The following SFXN5 variants were observed in gnomAD, a reference collection of about 807,000 sequenced individuals.
SFXN5 encodes the protein sideroflexin 5.
In SFXN5, 43 loss-of-function variants were observed where a neutral mutation model predicts 50.2. The observed-to-expected ratio is 0.86, with a 90% CI of 0.67 to 1.11. The LOEUF is 1.11. SFXN5 is among the 50% of genes least tolerant of loss of function. SFXN5 has a pLI of 0.00. For synonymous variants in SFXN5, 203 were observed against 185.8 expected (o/e 1.09, Z -0.75); for missense variants, 463 against 454.1 (o/e 1.02, Z -0.18).
In SFXN5 at chr2:73,017,559, T is replaced by C. The variant is rs150686661; in HGVS notation, c.357+2680A>G. Among the ~76,000 whole-genome samples, 587 of 152,360 alleles carry C rather than the reference T, an allele frequency of 3.9e-3. 1 individual carries two copies. Among genetic ancestry groups the C allele is most frequent in the Admixed American group, 8.0e-3 (122 of 15,306 alleles). ...CAAAGAAATCTTGGGCTTTAGTTAC[T>C]ACGTATTTTGAGAGTGGTATTGATG... On this transcript the variant is annotated intron_variant, in intron 6 of 13. Coordinates refer to ENST00000272433, the MANE Select transcript of SFXN5 (RefSeq NM_144579.3).
At position 72,950,944 on chromosome 2, in the gene SFXN5, G is replaced by A. The variant is rs1268315636; in HGVS notation, c.946-5845C>T. On this transcript the variant is annotated intron_variant, in intron 13 of 13. Transcript: ENST00000272433. The surrounding 1 kb of genome is among the most constrained non-coding windows in gnomAD (Gnocchi z 4.2). ...AGAAGGGGTGGCCCAGGCCCAGGCAGCCAGCTCGGGGCGGGCTGGAATCCG... is the reference window on the plus strand; with the variant it reads ...AGAAGGGGTGGCCCAGGCCCAGGCAACCAGCTCGGGGCGGGCTGGAATCCG... Among the ~76,000 whole-genome samples, 1 of 152,202 alleles carries A rather than the reference G, an allele frequency of 6.6e-6. No individual in the cohort carries two copies. Among genetic ancestry groups the A allele is most frequent in the Non-Finnish European group, 1.5e-5 (1 of 68,022 alleles).
chr2:72,980,025 T>G (rs1456792360), intron 10 of SFXN5, among the ~76,000 whole-genome samples: 1 of 152,134 alleles, frequency 6.6e-6, no homozygotes, highest in African/African-American at 2.4e-5. Flanking sequence ...AGCATGAGAC[T>G]TCAGCTGCTA....
intron 1 of SFXN5, among the ~76,000 whole-genome samples, chr2:73,069,998 G>C (rs1422397338): frequency 1.3e-5 from 2 of 152,180 alleles, no homozygotes; most frequent in Non-Finnish European, 1.5e-5. Flanking sequence ...GAAGACCACA[G>C]GGCAGACTGT....
At chr2:72,952,673 CCT>C (rs1672665372) in intron 13 of SFXN5, among the ~76,000 whole-genome samples, 2 of 152,320 alleles carry the variant, frequency 1.3e-5, no homozygotes, top group African/African-American at 4.8e-5. Context: ...CATTCTCTGT[CCT>C]CTGTCTTCTA....
chr2:73,042,099 G>A (rs1391137211), intron 2 of SFXN5, among the ~76,000 whole-genome samples: 2 of 152,090 alleles, frequency 1.3e-5, no homozygotes, highest in African/African-American at 2.4e-5. Context: ...GTAACTGATG[G>A]GGAGAAAGAG....
At chr2:73,003,371 C>T (rs537539820) in intron 6 of SFXN5, among the ~76,000 whole-genome samples, 82 of 152,308 alleles carry the variant, frequency 5.4e-4, no homozygotes, top group Non-Finnish European at 7.8e-4. Context: ...CCAGGAACAT[C>T]GTAAGATACA....
chr2:72,961,039 C>T lies in SFXN5; in HGVS notation c.945+92G>A, dbSNP rs183319916. On this transcript the variant is annotated intron_variant, in intron 13 of 13. Coordinates refer to ENST00000272433, the MANE Select transcript of SFXN5 (RefSeq NM_144579.3). The surrounding 1 kb of genome is among the most constrained non-coding windows in gnomAD (Gnocchi z 4.4). Reference sequence around the variant, plus strand: ...GTTCCAGCCCCAGCGCCTAGCATGGCGCTAAGGAGTCGGCACGGTATGAGT... The same window carrying T: ...GTTCCAGCCCCAGCGCCTAGCATGGTGCTAAGGAGTCGGCACGGTATGAGT... The T allele has an allele frequency of 6.4e-5, 59 of 926,242 alleles. No homozygotes were observed. The East Asian group carries it at 1.4e-3, about 21-fold the overall frequency. 57.4% of individuals were successfully genotyped at this position (926,242 alleles called of 1,614,324 possible). A position where few individuals can be genotyped will look rare whatever the true frequency, so the allele number is the denominator to read the frequency against.
intron 6 of SFXN5, among the ~76,000 whole-genome samples, chr2:73,018,889 G>A (rs1676487275): frequency 6.6e-6 from 1 of 152,110 alleles, no homozygotes; most frequent in Admixed American, 6.5e-5. Context: ...ATCACACATT[G>A]CATTTATTAT....
chr2:73,001,040 C>G (rs1334279546), intron 7 of SFXN5, among the ~76,000 whole-genome samples: 1 of 152,232 alleles, frequency 6.6e-6, no homozygotes, highest in Non-Finnish European at 1.5e-5. Flanking sequence ...CAGAGATATC[C>G]TCAGTTTTCA....
chr2:73,034,318 C>T (rs1331495924), intron 3 of SFXN5, among the ~76,000 whole-genome samples: 5 of 152,226 alleles, frequency 3.3e-5, no homozygotes, highest in Non-Finnish European at 7.3e-5. Flanking sequence ...AGTGGGTCAG[C>T]CAAGCCTTCC....
intron 13 of SFXN5, among the ~76,000 whole-genome samples, chr2:72,949,995 T>A (rs1358549058): frequency 6.6e-6 from 1 of 151,508 alleles, no homozygotes; most frequent in Non-Finnish European, 1.5e-5. Context: ...GTTCCCCAGG[T>A]GGACAGGCCT....
intron 12 of SFXN5, among the ~76,000 whole-genome samples, chr2:72,967,764 C>T (rs1421010971): frequency 1.3e-5 from 2 of 152,168 alleles, no homozygotes; most frequent in African/African-American, 4.8e-5. Context: ...CCTCCCCTGC[C>T]CCCTGCCTTC....
chr2:73,001,062 C>T (rs1405910713), intron 7 of SFXN5, among the ~76,000 whole-genome samples: 1 of 152,234 alleles, frequency 6.6e-6, no homozygotes, highest in Non-Finnish European at 1.5e-5. Flanking sequence ...GGCATCACAA[C>T]CCAGACTGTC....
intron 6 of SFXN5, among the ~76,000 whole-genome samples, chr2:73,011,900 T>C (rs2105774157): frequency 6.6e-6 from 1 of 152,352 alleles, no homozygotes; most frequent in Admixed American, 6.5e-5. Flanking sequence ...GAGAAACCCT[T>C]ATCCTTGTGC....
At chr2:73,060,294 G>A (rs746110428) in intron 1 of SFXN5, among the ~76,000 whole-genome samples, 1 of 152,112 alleles carries the variant, frequency 6.6e-6, no homozygotes, top group East Asian at 1.9e-4. Flanking sequence ...CGAAGGGCAG[G>A]TGGGACACTG....
intron 3 of SFXN5, 51 bp from the exon 4 acceptor site, chr2:73,023,265 A>G (rs772131051): frequency 6.4e-5 from 98 of 1,540,980 alleles, no homozygotes; most frequent in Non-Finnish European, 7.9e-5. Flanking sequence ...TTAAAAGCAT[A>G]TATCGGTTTA....
intron 2 of SFXN5, among the ~76,000 whole-genome samples, chr2:73,042,831 T>C (rs1449371212): frequency 6.6e-6 from 1 of 151,676 alleles, no homozygotes; most frequent in East Asian, 1.9e-4. Flanking sequence ...ACACCTGTAA[T>C]CCCAGGACTT....
intron 6 of SFXN5, among the ~76,000 whole-genome samples, chr2:73,005,197 C>T (rs768487510): frequency 2.0e-5 from 3 of 152,192 alleles, no homozygotes; most frequent in Non-Finnish European, 2.9e-5. Context: ...CACCCTATCG[C>T]GCTGCAGGAC....
At chr2:73,069,332 A>G (rs530585727) in intron 1 of SFXN5, among the ~76,000 whole-genome samples, 39 of 152,164 alleles carry the variant, frequency 2.6e-4, no homozygotes, top group African/African-American at 8.9e-4. Context: ...GGCAGTAGAG[A>G]TGGGTGGACT....
Sources: gnomAD v4.1 joint callset for allele counts (sites outside exome capture counted in the v4.1 genomes callset) on GRCh38, gnomAD v4.1.1 for gene constraint, Gnocchi (gnomAD v3.1) non-coding constraint, MANE v1.5 for transcripts, NCBI Gene and HGNC (gene_info 2026-07-23, HGNC 2026-07-21) for gene names.